GGNBP2: variants seen among roughly 807,000 people sequenced by gnomAD.
GGNBP2 encodes the protein gametogenetin-binding protein 2.
Under a neutral mutation model 85.9 loss-of-function variants are expected in GGNBP2, and 10 were observed. That is an observed-to-expected ratio of 0.12 (90% CI 0.07 to 0.20). GGNBP2 has a LOEUF of 0.20. Ranked by LOEUF, GGNBP2 falls within the 10% of genes least tolerant of loss-of-function variation. GGNBP2 has a pLI of 1.00. For missense variants in GGNBP2, 595 were observed against 857.8 expected, an observed-to-expected ratio of 0.69 and a Z score of 3.83; for synonymous variants, 287 against 285.7, an observed-to-expected ratio of 1.00 and a Z score of -0.05.
At position 36,558,692 on chromosome 17, in the gene GGNBP2, G is replaced by A. The variant is rs530525501; in HGVS notation, c.428+1356G>A. Among the ~76,000 whole-genome samples, 4 of 151,722 alleles carry A rather than the reference G, an allele frequency of 2.6e-5. No individual in the cohort carries two copies. The East Asian group carries it at 7.9e-4, about 30-fold the overall frequency. On this transcript the variant is annotated intron_variant, in intron 4 of 13. Coordinates refer to ENST00000613102, the MANE Select transcript of GGNBP2 (RefSeq NM_024835.5). ...GTTGGTCTTGAACTCCTGACCTCAGGCGATCTGCCCGCCTTGGACTCCCAA... is the reference window on the plus strand; with the variant it reads ...GTTGGTCTTGAACTCCTGACCTCAGACGATCTGCCCGCCTTGGACTCCCAA...
intron 5 of GGNBP2, among the ~76,000 whole-genome samples, chr17:36,563,916 G>A (rs1343308354): frequency 6.6e-6 from 1 of 151,962 alleles, no homozygotes; most frequent in East Asian, 1.9e-4. Flanking sequence ...GCTAATTTTT[G>A]TATTTTTAGT....
At chr17:36,549,249 CT>C (rs2074285923) in intron 2 of GGNBP2, among the ~76,000 whole-genome samples, 1 of 151,988 alleles carries the variant, frequency 6.6e-6, no homozygotes, top group African/African-American at 2.4e-5. Context: ...GTCGCCCAGG[CT>C]GGAGTACAGT....
chr17:36,562,089 G>A lies in GGNBP2; in HGVS notation c.527+1218G>A, dbSNP rs142217332. Among the ~76,000 whole-genome samples, 5 of 152,364 alleles carry A rather than the reference G, an allele frequency of 3.3e-5. No homozygotes were observed. In the East Asian group the frequency reaches 7.7e-4, roughly 23 times the overall value. On this transcript the variant is annotated intron_variant, in intron 5 of 13. Transcript: ENST00000613102. ...GGATAGTGAGGCGAAGCCATGGAGTGTGAAGGGACTTTCTAAGACGTGACT... is the reference window on the plus strand; with the variant it reads ...GGATAGTGAGGCGAAGCCATGGAGTATGAAGGGACTTTCTAAGACGTGACT...
At chr17:36,568,841 T>C (rs900780361) in intron 6 of GGNBP2, among the ~76,000 whole-genome samples, 1 of 151,888 alleles carries the variant, frequency 6.6e-6, no homozygotes, top group African/African-American at 2.4e-5. Flanking sequence ...CTGTAACTGC[T>C]GACTCCCTGG....
chr17:36,579,521 G>T, intron 8 of GGNBP2, 102 bp downstream of exon 8: 2 of 970,962 alleles, frequency 2.1e-6, no homozygotes, highest in Non-Finnish European at 3.1e-6. Context: ...GTCCATCACT[G>T]ATAGAGCTTC....
intron 2 of GGNBP2, chr17:36,546,171 T>A: frequency 2.5e-6 from 1 of 395,116 alleles, no homozygotes; most frequent in Non-Finnish European, 4.5e-6. Context: ...AGAAACCACC[T>A]ACCCTCGGGG....
intron 2 of GGNBP2, among the ~76,000 whole-genome samples, chr17:36,553,682 T>C (rs1178006664): frequency 4.6e-5 from 7 of 152,236 alleles, no homozygotes; most frequent in Non-Finnish European, 7.3e-5. Context: ...TAGTACGATA[T>C]GTTTGATCTT....
In GGNBP2 at chr17:36,545,659, A is replaced by T; in HGVS notation, c.-66A>T. Reference sequence around the variant, plus strand: ...AGGCGGCAGCGGCGGCGGCAGAAACAGCAGCGGCGGCGGCGGCGGCAGCTG... The same window carrying T: ...AGGCGGCAGCGGCGGCGGCAGAAACTGCAGCGGCGGCGGCGGCGGCAGCTG... On this transcript the variant is annotated 5_prime_UTR_variant, in exon 2 of 14. Transcript: ENST00000613102. 1 of 1,280,502 alleles carries T rather than the reference A, an allele frequency of 7.8e-7. No homozygotes were observed. Among genetic ancestry groups the T allele is most frequent in the Non-Finnish European group, 1.1e-6 (1 of 903,186 alleles). 79.3% of individuals were successfully genotyped at this position (1,280,502 alleles called of 1,614,324 possible).
In GGNBP2 at chr17:36,554,862, C is replaced by T. The variant is rs1272049948; in HGVS notation, c.136C>T (p.His46Tyr). 1 of 1,610,040 alleles carries T rather than the reference C, an allele frequency of 6.2e-7. No individual in the cohort carries two copies. The highest frequency in any genetic ancestry group is 8.5e-7 in the Non-Finnish European group (1 of 1,176,402). ...TGATAATGTGTTAAATCTCGATGGACATCAGAATAATGGTGCACAGCTAAA... is the reference window on the plus strand; with the variant it reads ...TGATAATGTGTTAAATCTCGATGGATATCAGAATAATGGTGCACAGCTAAA... ...FPDNVLNLDGHQNNGAQLKQF... is the reference protein window; with the variant it reads ...FPDNVLNLDGYQNNGAQLKQF... The change falls in exon 3 of 14, where the codon CAT becomes TAT. Residue 46 changes from histidine to tyrosine, a missense_variant. This residue lies in a region of GGNBP2 where 216 missense variants were observed against 293.4 expected (regional missense o/e 0.74). Transcript: ENST00000613102.
intron 3 of GGNBP2, among the ~76,000 whole-genome samples, chr17:36,555,264 T>C (rs946536179): frequency 7.2e-5 from 11 of 152,256 alleles, no homozygotes; most frequent in African/African-American, 2.2e-4. Flanking sequence ...ATGAATTTTC[T>C]GATGTTTGTT....
chr17:36,557,540 A>G (rs1024653647), intron 4 of GGNBP2, among the ~76,000 whole-genome samples: 14 of 152,150 alleles, frequency 9.2e-5, no homozygotes, highest in African/African-American at 2.7e-4. Context: ...GTCAGGGATG[A>G]TAAGTTAGAA....
intron 5 of GGNBP2, 53 bp from the exon 6 acceptor site, chr17:36,567,610 A>T: frequency 1.1e-6 from 1 of 918,432 alleles, no homozygotes; most frequent in Non-Finnish European, 1.7e-6. Flanking sequence ...TGTTTTTTTA[A>T]GGTTTTACCC....
chr17:36,555,551 G>A (rs2074353777), intron 3 of GGNBP2, among the ~76,000 whole-genome samples: 1 of 152,236 alleles, frequency 6.6e-6, no homozygotes, highest in South Asian at 2.1e-4. Flanking sequence ...AAAAAGTTGG[G>A]CAGACATGGC....
At chr17:36,564,399 G>T (rs2142730147) in intron 5 of GGNBP2, among the ~76,000 whole-genome samples, 1 of 152,208 alleles carries the variant, frequency 6.6e-6, no homozygotes, top group Non-Finnish European at 1.5e-5. Flanking sequence ...TGCTTATTCA[G>T]TTACCTACTT....
chr17:36,585,643 G>T, intron 10 of GGNBP2, 193 bp downstream of exon 10: 1 of 610,520 alleles, frequency 1.6e-6, no homozygotes, highest in Non-Finnish European at 2.7e-6. Flanking sequence ...TGACAAAAAC[G>T]AAAAATGGTA....
chr17:36,575,632 ATATATATATATATATAT>A (rs1002311919), intron 6 of GGNBP2, among the ~76,000 whole-genome samples: 1 of 45,430 alleles, frequency 2.2e-5, no homozygotes, highest in Non-Finnish European at 4.3e-5. Flanking sequence ...ATATATATAT[ATATATATATATATATAT>A]TTTTTTTTTT....
intron 4 of GGNBP2, among the ~76,000 whole-genome samples, chr17:36,558,269 G>A (rs1404658163): frequency 6.6e-6 from 1 of 150,976 alleles, no homozygotes; most frequent in Non-Finnish European, 1.5e-5. Context: ...CAAAAAATTA[G>A]CCAGGAGTGG....
At chr17:36,562,203 T>C (rs548181535) in intron 5 of GGNBP2, among the ~76,000 whole-genome samples, 245 of 152,324 alleles carry the variant, frequency 1.6e-3, no homozygotes, top group Non-Finnish European at 2.9e-3. Flanking sequence ...AGTCTTGCTC[T>C]GTCACTCAGG....
At chr17:36,547,087 T>A (rs1388812599) in intron 2 of GGNBP2, 1 of 152,192 alleles carries the variant, frequency 6.6e-6, no homozygotes, top group African/African-American at 2.4e-5. Context: ...TGTTCTGACA[T>A]AAAGTAAATA....
Sources: gnomAD v4.1 joint callset for allele counts (sites outside exome capture counted in the v4.1 genomes callset) on GRCh38, gnomAD v4.1.1 for gene constraint, gnomAD v4.1.1 regional missense constraint, MANE v1.5 for transcripts, NCBI Gene and HGNC (gene_info 2026-07-23, HGNC 2026-07-21) for gene names.